The following ZNF607 variants were observed in gnomAD, a reference collection of about 807,000 sequenced individuals.
The protein encoded by ZNF607 is zinc finger protein 607.
In ZNF607, 5 loss-of-function variants were observed where a neutral mutation model predicts 12.8. That is an observed-to-expected ratio of 0.39 (90% confidence interval 0.20 to 0.82). The LOEUF (loss-of-function observed/expected upper bound fraction) is 0.82. Among genes scored for constraint, ZNF607 ranks in the 40% least tolerant of loss-of-function variants. The pLI is 0.39. For missense variants in ZNF607, 851 were observed against 859.2 expected (o/e 0.99, Z 0.12); for synonymous variants, 287 against 276.2 (o/e 1.04, Z -0.39).
chr19:37,698,143 T>G lies in ZNF607; in HGVS notation c.1988A>C (p.His663Pro). 1 of 1,614,086 alleles carries G rather than the reference T, an allele frequency of 6.2e-7. No individual in the cohort carries two copies. Among genetic ancestry groups the G allele is most frequent in the Non-Finnish European group, 8.5e-7 (1 of 1,179,980 alleles). The part of the protein sequence containing the change: ...AFNSSHELSI[H>P]HRVHTGEKPF... ...TTTCTCACCAGTATGAACTCTATGATGTATACTAAGTTCATGGCTACTATT... is the reference window on the plus strand; with the variant it reads ...TTTCTCACCAGTATGAACTCTATGAGGTATACTAAGTTCATGGCTACTATT... The change falls in exon 5 of 5, where the codon CAT (histidine) becomes CCT (proline). Residue 663 changes from histidine to proline, a missense_variant. Physicochemically the swap from His to Pro is moderately conservative, Grantham distance 77 (BLOSUM62 -2). Coordinates refer to ENST00000355202, the MANE Select transcript of ZNF607 (RefSeq NM_032689.5).
rs1192228953 is a variant in ZNF607, at chr19:37,699,701, A to C, written c.430T>G (p.Cys144Gly). The change falls in exon 5 of 5, where the codon TGT becomes GGT. Residue 144 changes from cysteine to glycine, a missense_variant. Physicochemically the swap from Cys to Gly is radical, Grantham distance 159. Coordinates refer to ENST00000355202, the MANE Select transcript of ZNF607 (RefSeq NM_032689.5). ...TIHTSEEPDQ[C>G]EKFRKAFSHL... ...CTAAATGCCTTCCTAAACTTTTCAC[A>C]TTGATCAGGTTCCTCACTAGTATGA... 13 of 1,613,946 alleles carry C rather than the reference A, an allele frequency of 8.1e-6. No homozygotes were observed. The African/African-American group carries it at 1.3e-4, about 17-fold the overall frequency.
intron 1 of ZNF607, among the ~76,000 whole-genome samples, chr19:37,714,343 G>A (rs151087334): frequency 0.54 from 64,362 of 119,718 alleles, 15,409 homozygotes; most frequent in Non-Finnish European, 0.63. Flanking sequence ...AACAACAACA[G>A]CAGCAGCAGC....
chr19:37,714,692 T>C (rs774531135), intron 1 of ZNF607, among the ~76,000 whole-genome samples: 1 of 152,016 alleles, frequency 6.6e-6, no homozygotes, highest in Non-Finnish European at 1.5e-5. Flanking sequence ...TGCTAACATA[T>C]GAATGCCTGT....
chr19:37,715,280 C>T (rs2045166850), intron 1 of ZNF607, among the ~76,000 whole-genome samples: 1 of 151,464 alleles, frequency 6.6e-6, no homozygotes, highest in Non-Finnish European at 1.5e-5. Context: ...ATTTCATGGC[C>T]CACCTTTAAG....
chr19:37,697,460 C>T lies in ZNF607; in HGVS notation c.*580G>A. The T allele has an allele frequency of 4.2e-6, 3 of 719,844 alleles. No homozygotes were observed. The highest frequency in any genetic ancestry group is 4.0e-5 in the Admixed American group (2 of 49,684). The allele number at this position is 719,844 out of a possible 1,614,324, so 44.6% of individuals were successfully genotyped here. On this transcript the variant is annotated 3_prime_UTR_variant, in exon 5 of 5. Coordinates refer to ENST00000355202, the MANE Select transcript of ZNF607 (RefSeq NM_032689.5). The stretch of plus-strand genomic sequence containing the variant: ...TCCACTCTGACCTCCACATCTAACT[C>T]ATGTAATTCTAACAGCACTATACTG...
chr19:37,699,259 C>T lies in ZNF607; in HGVS notation c.872G>A (p.Arg291His), dbSNP rs746295807. 28 of 1,613,946 alleles carry T rather than the reference C, an allele frequency of 1.7e-5. No homozygotes were observed. Among genetic ancestry groups the T allele is most frequent in the South Asian group, 3.3e-5 (3 of 91,088 alleles). ...ATGACCCACAAGGTGGGAAAACTGA[C>T]GAAAGGCCTTTCCACATTCCTTACA... The part of the protein sequence containing the change: ...HECKECGKAF[R>H]QFSHLVGHKR... Residue 291 changes from arginine to histidine, a missense_variant, in exon 5 of 5, where the codon CGT becomes CAT. Coordinates refer to ENST00000355202, the MANE Select transcript of ZNF607 (RefSeq NM_032689.5).
rs997041512 is a variant in ZNF607, at chr19:37,700,704, C to A, written c.236-809G>T. Reference sequence around the variant, plus strand: ...AAATAAGTAAAAGATCACTACCCAACATTTAGGAATTTAAGAGCAAGGTAC... The same window carrying A: ...AAATAAGTAAAAGATCACTACCCAAAATTTAGGAATTTAAGAGCAAGGTAC... On this transcript the variant is annotated intron_variant, in intron 4 of 4. Transcript: ENST00000355202. 2.0e-5 allele frequency among the ~76,000 whole-genome samples: 3 copies of A among 152,076 alleles called. 1 individual carries two copies. The highest frequency in any genetic ancestry group is 6.8e-3 in the Middle Eastern group (2 of 294).
chr19:37,708,107 CTGAG>C (rs1224206601), intron 3 of ZNF607, 95 bp from the exon 4 acceptor site: 44 of 880,134 alleles, frequency 5.0e-5, no homozygotes, highest in Non-Finnish European at 6.6e-5. Context: ...CAAAGTGATA[CTGAG>C]TAAGATTTTA....
chr19:37,708,392 C>T (rs560886167), intron 3 of ZNF607, among the ~76,000 whole-genome samples: 4 of 151,660 alleles, frequency 2.6e-5, no homozygotes, highest in East Asian at 4.0e-4. Flanking sequence ...AATGGGGTTT[C>T]GCCATGTTGG....
chr19:37,716,388 A>G (rs2045176823), intron 1 of ZNF607, among the ~76,000 whole-genome samples: 1 of 151,658 alleles, frequency 6.6e-6, no homozygotes, highest in African/African-American at 2.4e-5. Context: ...TCTGTTTGGA[A>G]CTCTACCTGC....
intron 3 of ZNF607, among the ~76,000 whole-genome samples, chr19:37,709,065 G>C (rs1462748502): frequency 6.6e-6 from 1 of 152,092 alleles, no homozygotes; most frequent in Non-Finnish European, 1.5e-5. Flanking sequence ...ACATTACACT[G>C]CTGCAATTAT....
At chr19:37,717,806 C>CAAAAAA (rs57152044) in intron 1 of ZNF607, among the ~76,000 whole-genome samples, 3 of 67,092 alleles carry the variant, frequency 4.5e-5, no homozygotes, top group East Asian at 5.7e-4. Flanking sequence ...AACTCAGTCT[C>CAAAAAA]AAAAAAAAAA....
chr19:37,699,033 C>G lies in ZNF607; in HGVS notation c.1098G>C (p.Lys366Asn). The G allele has an allele frequency of 6.2e-7, 1 of 1,613,786 alleles. No homozygotes were observed. Among genetic ancestry groups the G allele is most frequent in the Non-Finnish European group, 8.5e-7 (1 of 1,179,946 alleles). The change falls in exon 5 of 5, where the codon AAG becomes AAC. Residue 366 changes from lysine to asparagine, a missense_variant. Transcript: ENST00000355202. ...HTFESVEKPY[K>N]CEECGKAFSV... is the part of the protein sequence containing the mutation. Reference sequence around the variant, plus strand: ...TAAAGGCTTTCCCACATTCCTCACACTTATAAGGTTTCTCAACACTTTCAA... The same window carrying G: ...TAAAGGCTTTCCCACATTCCTCACAGTTATAAGGTTTCTCAACACTTTCAA...
intron 3 of ZNF607, among the ~76,000 whole-genome samples, 172 bp from the exon 4 acceptor site, chr19:37,708,184 G>A (rs1312904544): frequency 2.6e-5 from 4 of 151,428 alleles, no homozygotes; most frequent in African/African-American, 9.7e-5. Context: ...TTGTTTGCTG[G>A]TTTTCAAAAA....
At chr19:37,714,909 C>CTTTTACTTAATTCTGTTGCTTCCTGTT (rs1489836841) in intron 1 of ZNF607, among the ~76,000 whole-genome samples, 1 of 37,332 alleles carries the variant, frequency 2.7e-5, no homozygotes, top group Admixed American at 2.9e-4. Context: ...GTTTTTCTTT[C>CTTTTACTTAATTCTGTTGCTTCCTGTT]TTTCTTTCTT....
At chr19:37,717,310 C>T (rs966864534) in intron 1 of ZNF607, among the ~76,000 whole-genome samples, 7 of 152,210 alleles carry the variant, frequency 4.6e-5, no homozygotes, top group African/African-American at 7.2e-5. Flanking sequence ...CTCAGTCTCC[C>T]GACTAGCTGG....
intron 1 of ZNF607, among the ~76,000 whole-genome samples, chr19:37,714,340 A>ACAACAACAACAACAGCAG (rs546794308): frequency 2.0e-5 from 3 of 148,210 alleles, no homozygotes; most frequent in African/African-American, 5.1e-5. Context: ...AACAACAACA[A>ACAACAACAACAACAGCAG]CAGCAGCAGC....
At chr19:37,715,555 A>G (rs1207830661) in intron 1 of ZNF607, among the ~76,000 whole-genome samples, 2 of 151,664 alleles carry the variant, frequency 1.3e-5, no homozygotes, top group African/African-American at 4.8e-5. Flanking sequence ...CAGTGAGCTG[A>G]GATCATGCCA....
intron 4 of ZNF607, among the ~76,000 whole-genome samples, chr19:37,704,514 G>A (rs1016964672): frequency 6.6e-6 from 1 of 152,068 alleles, no homozygotes; most frequent in African/African-American, 2.4e-5. Context: ...TAAACCATAG[G>A]TCAAAGAAGA....
Sources: gnomAD v4.1 joint callset for allele counts (sites outside exome capture counted in the v4.1 genomes callset) on GRCh38, gnomAD v4.1.1 for gene constraint, MANE v1.5 for transcripts, NCBI Gene and HGNC (gene_info 2026-07-23, HGNC 2026-07-21) for gene names.